Variants in BEND6 observed in about 807,000 individuals in gnomAD.
The protein encoded by BEND6 is BEN domain-containing protein 6.
A neutral mutation model predicts 31.8 loss-of-function variants in BEND6; 24 were observed. The ratio of observed to expected loss-of-function variants is 0.75; its 90% CI spans 0.55 to 1.06. The LOEUF (loss-of-function observed/expected upper bound fraction) is 1.06. BEND6 is among the 50% of genes least tolerant of loss of function. BEND6 has a pLI of 0.00. For synonymous variants in BEND6, 109 were observed against 114.6 expected (o/e 0.95, Z 0.31); for missense variants, 294 against 327.4 (o/e 0.90, Z 0.79).
intron 1 of BEND6, among the ~76,000 whole-genome samples, chr6:56,977,536 G>A (rs1825922981): frequency 6.6e-6 from 1 of 152,188 alleles, no homozygotes; most frequent in African/African-American, 2.4e-5. Context: ...AGTGTTTAAA[G>A]CCTATGGTTA....
chr6:57,004,623 C>T, intron 3 of BEND6: 1 of 1,077,678 alleles, frequency 9.3e-7, no homozygotes, highest in Non-Finnish European at 1.4e-6. Flanking sequence ...GAGCTCTACC[C>T]CTCCTACGTG....
At position 56,992,376 on chromosome 6, in the gene BEND6, A is replaced by G. The variant is rs1026919147; in HGVS notation, c.121-2A>G. 1 of 1,601,600 alleles carries G rather than the reference A, an allele frequency of 6.2e-7. No individual in the cohort carries two copies. Among genetic ancestry groups the G allele is most frequent in the Non-Finnish European group, 8.5e-7 (1 of 1,176,870 alleles). On this transcript the variant is annotated splice_acceptor_variant, in intron 2 of 6. Coordinates refer to ENST00000370746, the MANE Select transcript of BEND6 (RefSeq NM_152731.3). LOFTEE classifies it high-confidence loss of function. ...TTTTATTGTGCCTGCCTTCTATTTT[A>G]GAGAGACCCATATTCGGGAAATGCC...
intron 1 of BEND6, among the ~76,000 whole-genome samples, chr6:56,978,813 C>T (rs1375472321): frequency 6.6e-6 from 1 of 152,170 alleles, no homozygotes; most frequent in East Asian, 1.9e-4. Flanking sequence ...CTATGGAGCA[C>T]TGAATGGCTT....
At chr6:57,010,562 C>A in intron 3 of BEND6, 1 of 433,100 alleles carries the variant, frequency 2.3e-6, no homozygotes, top group Non-Finnish European at 3.1e-6. Flanking sequence ...TGAGATGATG[C>A]CTGTGCTTTG....
At chr6:57,007,672 G>A (rs540653087) in intron 3 of BEND6, among the ~76,000 whole-genome samples, 34 of 152,150 alleles carry the variant, frequency 2.2e-4, no homozygotes, top group African/African-American at 8.0e-4. Context: ...TCTTATGCCT[G>A]TAATCCCAGC....
chr6:56,962,459 G>A (rs547076372), intron 1 of BEND6, among the ~76,000 whole-genome samples: 87 of 152,278 alleles, frequency 5.7e-4, no homozygotes, highest in African/African-American at 2.0e-3. Context: ...GACGTATCCC[G>A]ATCTCTCAGT....
intron 1 of BEND6, chr6:56,976,068 G>A (rs1825862035): frequency 8.2e-6 from 3 of 366,770 alleles, no homozygotes; most frequent in East Asian, 6.3e-5. Flanking sequence ...CTCCATGTTG[G>A]TGACAGCAAG....
At chr6:57,023,138 A>T (rs1027780512) in intron 6 of BEND6, among the ~76,000 whole-genome samples, 1 of 152,200 alleles carries the variant, frequency 6.6e-6, no homozygotes, top group East Asian at 1.9e-4. Context: ...AGTTTGGCCT[A>T]TGTGATCTAT....
At chr6:57,021,600 C>G (rs189200623) in intron 6 of BEND6, among the ~76,000 whole-genome samples, 2 of 152,230 alleles carry the variant, frequency 1.3e-5, no homozygotes, top group Admixed American at 1.3e-4. Flanking sequence ...CATGCAAGAG[C>G]TTGATTTTTT....
chr6:56,955,679 ATCT>A (rs1331202479), intron 1 of BEND6, among the ~76,000 whole-genome samples: 1 of 152,102 alleles, frequency 6.6e-6, no homozygotes. Context: ...GGCACTTTCG[ATCT>A]TCTTGTATCC....
chr6:56,980,018 A>G (rs1157435408), intron 1 of BEND6, among the ~76,000 whole-genome samples: 1 of 152,222 alleles, frequency 6.6e-6, no homozygotes, highest in East Asian at 1.9e-4. Context: ...CAACTTAAAC[A>G]TTCTCCACTG....
intron 3 of BEND6, among the ~76,000 whole-genome samples, chr6:56,999,837 T>C (rs1468743066): frequency 2.0e-5 from 3 of 152,204 alleles, no homozygotes; most frequent in Non-Finnish European, 2.9e-5. Context: ...TGGCCCGATA[T>C]AAAACCTGCC....
intron 3 of BEND6, chr6:57,008,380 A>G (rs1247404488): frequency 1.8e-5 from 11 of 618,426 alleles, no homozygotes; most frequent in Non-Finnish European, 2.9e-5. Flanking sequence ...ATGTCTGGGC[A>G]CTGATTTCCC....
intron 1 of BEND6, among the ~76,000 whole-genome samples, chr6:56,961,997 T>A (rs1825303150): frequency 6.6e-6 from 1 of 152,176 alleles, no homozygotes; most frequent in African/African-American, 2.4e-5. Flanking sequence ...GTTGTGACAG[T>A]ATTGGCAGGT....
chr6:56,955,626 TCTTCC>T (rs1307792866), intron 1 of BEND6, among the ~76,000 whole-genome samples, 166 bp downstream of exon 1: 1 of 152,158 alleles, frequency 6.6e-6, no homozygotes, highest in Non-Finnish European at 1.5e-5. Context: ...AGAGGTGAAC[TCTTCC>T]ACCCCAAACT....
intron 2 of BEND6, among the ~76,000 whole-genome samples, chr6:56,983,157 A>G (rs1439684054): frequency 4.6e-5 from 7 of 152,154 alleles, no homozygotes; most frequent in African/African-American, 1.7e-4. Context: ...TTCAATCAGC[A>G]CTGTTTTTTT....
intron 1 of BEND6, among the ~76,000 whole-genome samples, chr6:56,977,394 A>G (rs1307844251): frequency 6.6e-6 from 1 of 152,260 alleles, no homozygotes; most frequent in East Asian, 1.9e-4. Context: ...AACTGTGGGC[A>G]AAAATAGTTT....
intron 1 of BEND6, among the ~76,000 whole-genome samples, chr6:56,973,491 G>T (rs1244659474): frequency 6.6e-6 from 1 of 152,090 alleles, no homozygotes; most frequent in African/African-American, 2.4e-5. Context: ...ATTAGGCACA[G>T]TAAAACATTA....
intron 1 of BEND6, among the ~76,000 whole-genome samples, chr6:56,975,162 T>G (rs1592978919): frequency 6.6e-6 from 1 of 152,106 alleles, no homozygotes. Context: ...GCAAAGCACC[T>G]TAGGTAAAGC....
Sources: gnomAD v4.1 joint callset for allele counts (sites outside exome capture counted in the v4.1 genomes callset) on GRCh38, gnomAD v4.1.1 for gene constraint, MANE v1.5 for transcripts, NCBI Gene and HGNC (gene_info 2026-07-23, HGNC 2026-07-21) for gene names.